The following ADARB2 variants were observed in gnomAD, a reference collection of about 807,000 sequenced individuals.
ADARB2 encodes the protein adenosine deaminase RNA specific B2 (inactive).
Under a neutral mutation model 62.2 loss-of-function variants are expected in ADARB2, and 25 were observed. The ratio of observed to expected loss-of-function variants is 0.40; its 90% CI spans 0.29 to 0.56. ADARB2 has a LOEUF of 0.56. Ranked by LOEUF, ADARB2 falls within the 20% of genes least tolerant of loss-of-function variation. The pLI, the probability that ADARB2 is intolerant of heterozygous loss-of-function variation, is 0.43. For missense variants in ADARB2, 1,071 were observed against 1,077.4 expected (o/e 0.99, Z 0.08); for synonymous variants, 572 against 500.8 (o/e 1.14, Z -1.90).
intron 1 of ADARB2, among the ~76,000 whole-genome samples, chr10:1,588,359 G>A (rs1266310980): frequency 1.3e-5 from 2 of 152,186 alleles, no homozygotes; most frequent in Non-Finnish European, 2.9e-5. Context: ...GCCTGGATTT[G>A]GTGATCAACA....
chr10:1,610,871 T>C (rs760060535), intron 1 of ADARB2, among the ~76,000 whole-genome samples: 10 of 151,334 alleles, frequency 6.6e-5, no homozygotes, highest in Non-Finnish European at 1.0e-4. Context: ...TACATACACA[T>C]ACAAACACAC....
At chr10:1,578,937 G>T (rs1482097116) in intron 1 of ADARB2, among the ~76,000 whole-genome samples, 1 of 152,162 alleles carries the variant, frequency 6.6e-6, no homozygotes, top group Admixed American at 6.5e-5. Flanking sequence ...TCTGGGGTGG[G>T]ACACAGAGGA....
intron 4 of ADARB2, among the ~76,000 whole-genome samples, chr10:1,263,440 C>G (rs1004324263): frequency 7.9e-5 from 12 of 152,176 alleles, no homozygotes; most frequent in Non-Finnish European, 1.6e-4. Flanking sequence ...AAAAAAGACT[C>G]ATAGTCAAAG....
In ADARB2 at chr10:1,648,985, G is replaced by A. The variant is rs571876579; in HGVS notation, c.100+88066C>T. Among the ~76,000 whole-genome samples, 88 of 152,308 alleles carry A rather than the reference G, an allele frequency of 5.8e-4. 1 individual carries two copies. The highest frequency in any genetic ancestry group is 1.8e-3 in the African/African-American group (74 of 41,558). ...GCACCAGGCGGGCTGCCCCTCCACA[G>A]TTTGCGGTGATAATAAGGCACTTTA... On this transcript the variant is annotated intron_variant, in intron 1 of 9. Coordinates refer to ENST00000381312, the MANE Select transcript of ADARB2 (RefSeq NM_018702.4).
chr10:1,376,976 G>GGT (rs200238148), intron 2 of ADARB2, among the ~76,000 whole-genome samples: 58 of 143,384 alleles, frequency 4.0e-4, no homozygotes, highest in African/African-American at 1.4e-3. Context: ...GCACCCCTGG[G>GGT]GTGTGTGTGT....
chr10:1,597,252 T>C (rs1833347915), intron 1 of ADARB2, among the ~76,000 whole-genome samples: 1 of 152,140 alleles, frequency 6.6e-6, no homozygotes, highest in African/African-American at 2.4e-5. Context: ...GATATGTGTA[T>C]ATAGCAAAAA....
At chr10:1,537,545 A>C (rs1349327012) in intron 1 of ADARB2, among the ~76,000 whole-genome samples, 1 of 152,256 alleles carries the variant, frequency 6.6e-6, no homozygotes, top group Non-Finnish European at 1.5e-5. Context: ...CACAATAGCA[A>C]AGACTTAGAA....
At chr10:1,445,360 T>G (rs1027238175) in intron 1 of ADARB2, among the ~76,000 whole-genome samples, 2 of 149,606 alleles carry the variant, frequency 1.3e-5, no homozygotes, top group Non-Finnish European at 3.0e-5. Context: ...CTACATCAAT[T>G]TATCCTTCCA....
chr10:1,413,201 C>T (rs548615527), intron 1 of ADARB2, among the ~76,000 whole-genome samples: 37 of 152,184 alleles, frequency 2.4e-4, no homozygotes, highest in African/African-American at 7.5e-4. Context: ...ATGGTGAGGG[C>T]GCAGGGCCCA....
At position 1,363,727 on chromosome 10, in the gene ADARB2, G is replaced by A; in HGVS notation, c.378C>T (p.Pro126=). The change falls in exon 3 of 10, where the codon CCC becomes CCT. Residue 126 remains proline, a synonymous_variant. Coordinates refer to ENST00000381312, the MANE Select transcript of ADARB2 (RefSeq NM_018702.4). ...CGTGCAGCTGCACCAGCGCGTTCTTGGGCGCCACCGACCACGACAGCTTCT... is the reference window on the plus strand; with the variant it reads ...CGTGCAGCTGCACCAGCGCGTTCTTAGGCGCCACCGACCACGACAGCTTCT... ...VWKKLSWSVA[P]KNALVQLHEL... The A allele has an allele frequency of 6.2e-7, 1 of 1,610,216 alleles. No individual in the cohort carries two copies. Among genetic ancestry groups the A allele is most frequent in the Non-Finnish European group, 8.5e-7 (1 of 1,179,504 alleles).
chr10:1,207,455 CTG>C (rs1475142362), intron 7 of ADARB2, among the ~76,000 whole-genome samples: 2 of 152,194 alleles, frequency 1.3e-5, no homozygotes, highest in Non-Finnish European at 2.9e-5. Flanking sequence ...GACCTACACT[CTG>C]AGATTAGAAC....
At chr10:1,654,237 G>A (rs1489317160) in intron 1 of ADARB2, among the ~76,000 whole-genome samples, 1 of 152,152 alleles carries the variant, frequency 6.6e-6, no homozygotes, top group Admixed American at 6.5e-5. Flanking sequence ...TAGTTTTCTG[G>A]TTGCCTGAGG....
Position 1,670,910 on chromosome 10 carries a change from C to CG in ADARB2, c.100+66140dup, listed in dbSNP as rs34740061. 3.3e-5 allele frequency among the ~76,000 whole-genome samples: 5 copies of CG among 152,212 alleles called. No homozygotes were observed. The East Asian group carries it at 9.7e-4, about 29-fold the overall frequency. ...GGGGAACTCAGACGTCTGGAAGGGA[C>CG]GGGGGCAGAACGTCAGCGCCACAGA... On this transcript the variant is annotated intron_variant, in intron 1 of 9. Coordinates refer to ENST00000381312, the MANE Select transcript of ADARB2 (RefSeq NM_018702.4).
chr10:1,660,515 G>A (rs567955747), intron 1 of ADARB2, among the ~76,000 whole-genome samples: 2 of 152,268 alleles, frequency 1.3e-5, no homozygotes, highest in African/African-American at 2.4e-5. Flanking sequence ...AAGAAGGAAC[G>A]AATAGCTCCA....
Position 1,726,663 on chromosome 10 carries a change from G to C in ADARB2, c.100+10388C>G, listed in dbSNP as rs113460570. ...AGCTGCCTGGATTTTTCATGAGATA[G>C]GCAGGCAGCACTTGCCCTGAGCTGC... On this transcript the variant is annotated intron_variant, in intron 1 of 9. Transcript: ENST00000381312. Among the ~76,000 whole-genome samples the C allele has an allele frequency of 2.3e-3, 349 of 152,362 alleles. 1 individual carries two copies. Among genetic ancestry groups the C allele is most frequent in the African/African-American group, 7.3e-3 (305 of 41,592 alleles).
chr10:1,227,747 C>G (rs1455492110), intron 6 of ADARB2, among the ~76,000 whole-genome samples: 2 of 152,178 alleles, frequency 1.3e-5, no homozygotes, highest in Non-Finnish European at 2.9e-5. Flanking sequence ...AAAAATGAAA[C>G]AAACCACAGG....
chr10:1,515,893 G>C (rs1382290240), intron 1 of ADARB2, among the ~76,000 whole-genome samples: 2 of 152,240 alleles, frequency 1.3e-5, no homozygotes, highest in Non-Finnish European at 2.9e-5. Context: ...GAAAGCCTAT[G>C]TGACAGTGCC....
chr10:1,666,521 G>A (rs984555816), intron 1 of ADARB2, among the ~76,000 whole-genome samples: 7 of 152,200 alleles, frequency 4.6e-5, no homozygotes, highest in Non-Finnish European at 7.3e-5. Context: ...TGCACACGCC[G>A]CTGCCAGCCC....
chr10:1,399,510 G>A (rs562954047), intron 1 of ADARB2, among the ~76,000 whole-genome samples: 2 of 152,212 alleles, frequency 1.3e-5, no homozygotes, highest in East Asian at 3.9e-4. Flanking sequence ...TCAATTAGCA[G>A]GGTCTAGCAG....
Sources: gnomAD v4.1 joint callset for allele counts (sites outside exome capture counted in the v4.1 genomes callset) on GRCh38, gnomAD v4.1.1 for gene constraint, MANE v1.5 for transcripts, NCBI Gene and HGNC (gene_info 2026-07-23, HGNC 2026-07-21) for gene names.